SLC2A7: variants seen among roughly 807,000 people sequenced by gnomAD.
SLC2A7 encodes the protein solute carrier family 2, facilitated glucose transporter member 7.
SLC2A7 carries 50 observed loss-of-function variants against 50.5 expected under a neutral mutation model. That is an observed-to-expected ratio of 0.99 (90% CI 0.79 to 1.25). The LOEUF is 1.25. SLC2A7 is among the 50% of genes most tolerant of loss of function. SLC2A7 has a pLI of 0.00. For missense variants in SLC2A7, 683 were observed against 679.1 expected, an observed-to-expected ratio of 1.01 and a Z score of -0.06; for synonymous variants, 308 against 300.4, an observed-to-expected ratio of 1.03 and a Z score of -0.26.
In SLC2A7 at chr1:9,003,491, T is replaced by C; in HGVS notation, c.1348A>G (p.Ile450Val). Residue 450 changes from isoleucine to valine, a missense_variant, in exon 12 of 12, where the codon ATC becomes GTC. Transcript: ENST00000400906. ...GTGAGGAGGCAGATTCCGGCAAAGATGATGAAACTGTAGGCACCGATGGCC... is the reference window on the plus strand; with the variant it reads ...GTGAGGAGGCAGATTCCGGCAAAGACGATGAAACTGTAGGCACCGATGGCC... ...QEAIGAYSFI[I>V]FAGICLLTAI... 6.2e-7 allele frequency: 1 copy of C among 1,614,172 alleles called. No individual in the cohort carries two copies. Among genetic ancestry groups the C allele is most frequent in the Non-Finnish European group, 8.5e-7 (1 of 1,180,032 alleles).
At chr1:9,018,600 C>G (rs1640867026) in intron 4 of SLC2A7, among the ~76,000 whole-genome samples, 1 of 152,222 alleles carries the variant, frequency 6.6e-6, no homozygotes, top group East Asian at 1.9e-4. Context: ...GAGACCTTTT[C>G]CTTTCTAGCC....
At position 9,014,818 on chromosome 1, in the gene SLC2A7, T is replaced by C. The variant is rs369016105; in HGVS notation, c.766A>G (p.Met256Val). 4.4e-6 allele frequency: 7 copies of C among 1,604,696 alleles called. No individual in the cohort carries two copies. Among genetic ancestry groups the C allele is most frequent in the African/African-American group, 4.0e-5 (3 of 74,770 alleles). ...CGCTCGGCCCGGGCCTCCGCACGCA[T>C]GTCCTCCAGCTCGGCCTCCATGTCC... Reference protein sequence around the residue: ...HTDMEAELEDMRAEARAERAE... With the variant: ...HTDMEAELEDVRAEARAERAE... Residue 256 changes from methionine (M) to valine (V), a missense_variant, in exon 7 of 12, where the codon ATG (methionine) becomes GTG (valine). By Grantham distance (21) the Met-to-Val change is conservative (BLOSUM62 1). Coordinates refer to ENST00000400906, the MANE Select transcript of SLC2A7 (RefSeq NM_207420.3).
intron 5 of SLC2A7, among the ~76,000 whole-genome samples, chr1:9,017,494 G>A (rs990658763): frequency 9.9e-5 from 15 of 152,186 alleles, no homozygotes; most frequent in African/African-American, 3.4e-4. Flanking sequence ...GACAGGCCTC[G>A]CGGGGTCTCC....
At chr1:8,999,956 C>A (rs1039773531), downstream of SLC2A7, among the ~76,000 whole-genome samples, 1 of 152,124 alleles carries the variant, frequency 6.6e-6, no homozygotes, top group African/African-American at 2.4e-5. Flanking sequence ...GAAGATGAAC[C>A]CTGACCTTTG....
intron 10 of SLC2A7, among the ~76,000 whole-genome samples, chr1:9,006,956 T>A (rs1285578793): frequency 6.6e-6 from 1 of 152,140 alleles, no homozygotes; most frequent in Non-Finnish European, 1.5e-5. Context: ...GCTTGGAGGC[T>A]CAAGTGAGTG....
chr1:9,019,432 G>T, intron 3 of SLC2A7, 99 bp from the exon 4 acceptor site: 7 of 1,499,856 alleles, frequency 4.7e-6, no homozygotes, highest in Non-Finnish European at 5.4e-6. Context: ...ACAGAGGCGC[G>T]GGGAATGTGC....
chr1:9,026,102 GC>G (rs1640996908), intron 1 of SLC2A7, among the ~76,000 whole-genome samples, 192 bp downstream of exon 1: 1 of 152,194 alleles, frequency 6.6e-6, no homozygotes, highest in Admixed American at 6.5e-5. Flanking sequence ...AGCCACCCTG[GC>G]CCATGTCTGA....
At chr1:9,013,425 C>G in intron 8 of SLC2A7, 100 bp downstream of exon 8, 2 of 947,702 alleles carry the variant, frequency 2.1e-6, no homozygotes, top group Non-Finnish European at 1.6e-6. Context: ...ACCCCAGGAC[C>G]AGGGCCACCA....
In SLC2A7 at chr1:9,019,307, ATGT is replaced by A. The variant is rs761175503; in HGVS notation, c.335_337del (p.Asn112del). ...CAGGATGGCGGGGATGATGGCAAAG[ATGT>A]TGTTGATCAGCAGGGTCCCCTTTCT... On this transcript the variant is annotated inframe_deletion, in exon 4 of 12. Coordinates refer to ENST00000400906, the MANE Select transcript of SLC2A7 (RefSeq NM_207420.3). 1.1e-5 allele frequency: 18 copies of A among 1,613,970 alleles called. No homozygotes were observed. In the Admixed American group the frequency reaches 2.5e-4, roughly 22 times the overall value.
At position 9,024,962 on chromosome 1, in the gene SLC2A7, C is replaced by CACCTTGTGCCA; in HGVS notation, c.150+13_150+14insTGGCACAAGGT. 6.2e-7 allele frequency: 1 copy of CACCTTGTGCCA among 1,613,614 alleles called. No individual in the cohort carries two copies. Among genetic ancestry groups the CACCTTGTGCCA allele is most frequent in the Non-Finnish European group, 8.5e-7 (1 of 1,179,648 alleles). On this transcript the variant is annotated intron_variant, in intron 2 of 11. Coordinates refer to ENST00000400906, the MANE Select transcript of SLC2A7 (RefSeq NM_207420.3). ...GCTGCTGCCCGGCCCACCTTGTGCCCACCTTGTGCCCACCTTGTGCGGCGT... is the reference window on the plus strand; with the variant it reads ...GCTGCTGCCCGGCCCACCTTGTGCCCACCTTGTGCCAACCTTGTGCCCACCTTGTGCGGCGT...
the SLC2A7 span, among the ~76,000 whole-genome samples, chr1:8,996,115 A>G: frequency 6.6e-6 from 1 of 152,186 alleles, no homozygotes; most frequent in Non-Finnish European, 1.5e-5. Flanking sequence ...TGTACATGTG[A>G]TATTTTGACA....
intron 11 of SLC2A7, among the ~76,000 whole-genome samples, chr1:9,004,349 A>C (rs1640620894): frequency 6.6e-6 from 1 of 150,708 alleles, no homozygotes; most frequent in Non-Finnish European, 1.5e-5. Flanking sequence ...AAAAAAAAAG[A>C]CTGCTTAACC....
At chr1:9,002,243 A>T (rs530662696), downstream of SLC2A7, among the ~76,000 whole-genome samples, 2 of 152,106 alleles carry the variant, frequency 1.3e-5, no homozygotes, top group Non-Finnish European at 2.9e-5. Context: ...ACACCCGTAA[A>T]GGGTCTGTGC....
chr1:9,024,308 T>C (rs1640961814), intron 2 of SLC2A7, among the ~76,000 whole-genome samples: 1 of 152,232 alleles, frequency 6.6e-6, no homozygotes, highest in Non-Finnish European at 1.5e-5. Flanking sequence ...GTACATTGCT[T>C]GACTCGGAGG....
At chr1:9,022,271 C>T (rs1345393799) in intron 3 of SLC2A7, among the ~76,000 whole-genome samples, 2 of 152,204 alleles carry the variant, frequency 1.3e-5, no homozygotes, top group African/African-American at 4.8e-5. Flanking sequence ...AAGGGAATGC[C>T]ACCAGGCCTC....
intron 4 of SLC2A7, among the ~76,000 whole-genome samples, chr1:9,018,624 G>A (rs1051992040): frequency 1.3e-5 from 2 of 152,226 alleles, no homozygotes; most frequent in Admixed American, 6.5e-5. Context: ...GGGCTGGGCC[G>A]CTTGTTACAG....
rs779761006 is a variant in SLC2A7 at position 9,013,587 on chromosome 1, C to T, written c.952G>A (p.Ala318Thr). The change falls in exon 8 of 12, where the codon GCT (alanine) becomes ACT (threonine). Residue 318 changes from alanine to threonine, a missense_variant. Transcript: ENST00000400906. Reference sequence around the variant, plus strand: ...CCCACCGTTACATATTGGGAGTGAGCGGCCTCCACGCCCGCAGATGTGTAG... The same window carrying T: ...CCCACCGTTACATATTGGGAGTGAGTGGCCTCCACGCCCGCAGATGTGTAG... ...TIYTSAGVEA[A>T]HSQYVTVGSG... 36 of 1,613,900 alleles carry T rather than the reference C, an allele frequency of 2.2e-5. No homozygotes were observed. Among genetic ancestry groups the T allele is most frequent in the South Asian group, 5.5e-5 (5 of 91,060 alleles).
intron 10 of SLC2A7, among the ~76,000 whole-genome samples, chr1:9,005,209 C>G (rs1640637309): frequency 6.6e-6 from 1 of 152,170 alleles, no homozygotes; most frequent in Admixed American, 6.5e-5. Flanking sequence ...GGCTCCAGCT[C>G]ACAGGCAGCA....
At chr1:9,019,608 C>T (rs1365340167) in intron 3 of SLC2A7, among the ~76,000 whole-genome samples, 1 of 152,070 alleles carries the variant, frequency 6.6e-6, no homozygotes, top group African/African-American at 2.4e-5. Context: ...TACAAGAAAC[C>T]ACTCTCTTTT....
Sources: allele counts gnomAD v4.1 joint callset (sites outside exome capture counted in the v4.1 genomes callset), GRCh38; gene constraint gnomAD v4.1.1; transcripts MANE v1.5; gene names NCBI Gene and HGNC (gene_info 2026-07-23, HGNC 2026-07-21).